The following NLN variants were observed in gnomAD, a reference collection of about 807,000 sequenced individuals.
The protein encoded by NLN is neurolysin.
NLN carries 64 observed loss-of-function variants against 79.9 expected under a neutral mutation model. That is an observed-to-expected ratio of 0.80 (90% CI 0.65 to 0.99). The LOEUF (loss-of-function observed/expected upper bound fraction) is 0.99, where lower values mean the gene tolerates loss of function less well. Among genes scored for constraint, NLN ranks in the 50% least tolerant of loss-of-function variants. The pLI, the probability that NLN is intolerant of heterozygous loss-of-function variation, is 0.00. For synonymous variants in NLN, 267 were observed against 296.6 expected, an observed-to-expected ratio of 0.90 and a Z score of 1.02; for missense variants, 835 against 858.7, an observed-to-expected ratio of 0.97 and a Z score of 0.34.
chr5:65,785,892 CGCGTAACA>C lies in NLN; in HGVS notation c.943_950del (p.Val315LeufsTer4), dbSNP rs1561201196. 2 of 1,612,598 alleles carry C rather than the reference CGCGTAACA, an allele frequency of 1.2e-6. No homozygotes were observed. The highest frequency in any genetic ancestry group is 3.3e-5 in the Admixed American group (2 of 59,870). On this transcript the variant is annotated frameshift_variant, in exon 7 of 13. Transcript: ENST00000380985. LOFTEE classifies it high-confidence loss of function. ...AATGAACACTGCAAAGAGCACAAGC[CGCGTAACA>C]GCCTTTCTAGGTTAGTTCTTTTTTT...
At chr5:65,817,606 C>G (rs1398639594) in intron 12 of NLN, among the ~76,000 whole-genome samples, 2 of 152,154 alleles carry the variant, frequency 1.3e-5, no homozygotes, top group African/African-American at 4.8e-5. Context: ...TCCTCTTTTG[C>G]ATTTGAAGAA....
intron 6 of NLN, 138 bp from the exon 7 acceptor site, chr5:65,785,637 A>G: frequency 1.6e-6 from 1 of 628,736 alleles, no homozygotes; most frequent in Non-Finnish European, 2.5e-6. Context: ...TAACACCAAA[A>G]TGGAACCAGA....
At chr5:65,813,170 A>C (rs1297723724) in intron 12 of NLN, among the ~76,000 whole-genome samples, 4 of 152,132 alleles carry the variant, frequency 2.6e-5, no homozygotes, top group African/African-American at 9.7e-5. Flanking sequence ...TATGTATTGA[A>C]ATACATTGAT....
chr5:65,770,373 G>C (rs933058387), intron 3 of NLN, among the ~76,000 whole-genome samples: 3 of 152,132 alleles, frequency 2.0e-5, no homozygotes, highest in Non-Finnish European at 2.9e-5. Flanking sequence ...ATGATATGTA[G>C]AAATATTTCA....
At chr5:65,736,507 A>G (rs1396841146) in intron 1 of NLN, among the ~76,000 whole-genome samples, 4 of 152,216 alleles carry the variant, frequency 2.6e-5, no homozygotes, top group African/African-American at 9.6e-5. Flanking sequence ...CAAAGTGGTT[A>G]TACTAATTTA....
chr5:65,742,583 G>T (rs555360934), intron 1 of NLN, among the ~76,000 whole-genome samples: 1 of 152,214 alleles, frequency 6.6e-6, no homozygotes, highest in South Asian at 2.1e-4. Flanking sequence ...TACATTTTTC[G>T]TGAATGGTTG....
At chr5:65,816,041 G>A (rs1055033174) in intron 12 of NLN, among the ~76,000 whole-genome samples, 1 of 152,012 alleles carries the variant, frequency 6.6e-6, no homozygotes. Context: ...AAAAGAGGAA[G>A]AAGAACTCCC....
At chr5:65,797,057 A>G (rs1241777198) in intron 9 of NLN, among the ~76,000 whole-genome samples, 1 of 152,228 alleles carries the variant, frequency 6.6e-6, no homozygotes, top group Non-Finnish European at 1.5e-5. Flanking sequence ...TTTCACTCGT[A>G]TTACGTTTAC....
chr5:65,809,417 C>G (rs1206156805), intron 9 of NLN, 98 bp from the exon 10 acceptor site: 3 of 967,904 alleles, frequency 3.1e-6, no homozygotes, highest in Non-Finnish European at 4.6e-6. Context: ...ACAGTTGAGT[C>G]TGATTCTGCC....
At position 65,809,629 on chromosome 5, in the gene NLN, CATT is replaced by C. The variant is rs771625470; in HGVS notation, c.1645_1647del (p.Tyr549del). The C allele has an allele frequency of 1.9e-6, 3 of 1,613,870 alleles. No individual in the cohort carries two copies. The African/African-American group carries it at 4.0e-5, about 22-fold the overall frequency. On this transcript the variant is annotated inframe_deletion, in exon 10 of 13. Transcript: ENST00000380985. The stretch of plus-strand genomic sequence containing the variant: ...CGATTCCCTCCGAAGATTGTCAAAA[CATT>C]ATAAAGATGGAAGCCCTATTGCAGA...
chr5:65,767,773 G>T (rs1395295916), intron 3 of NLN, among the ~76,000 whole-genome samples: 1 of 152,196 alleles, frequency 6.6e-6, no homozygotes, highest in Non-Finnish European at 1.5e-5. Context: ...ATGGCTGTAT[G>T]CTGTTAGGAG....
At chr5:65,784,938 T>C (rs540333555) in intron 6 of NLN, among the ~76,000 whole-genome samples, 2 of 152,342 alleles carry the variant, frequency 1.3e-5, no homozygotes, top group South Asian at 2.1e-4. Flanking sequence ...TTTGTCTTTT[T>C]GTATCTGGCT....
intron 9 of NLN, among the ~76,000 whole-genome samples, chr5:65,803,251 C>T (rs61547521): frequency 0.18 from 27,703 of 152,152 alleles, 3,226 homozygotes; most frequent in African/African-American, 0.33. Flanking sequence ...GCCCAGGAAC[C>T]TGTCTGCCTG....
chr5:65,818,000 T>C (rs889065475), intron 12 of NLN, among the ~76,000 whole-genome samples: 1 of 152,234 alleles, frequency 6.6e-6, no homozygotes, highest in African/African-American at 2.4e-5. Context: ...CAGCTGATTT[T>C]TCTTATAACT....
chr5:65,814,495 C>T (rs1376867275), intron 12 of NLN, among the ~76,000 whole-genome samples: 1 of 152,142 alleles, frequency 6.6e-6, no homozygotes, highest in Non-Finnish European at 1.5e-5. Flanking sequence ...TTGAAGGTCT[C>T]ACTCACATAA....
intron 8 of NLN, 58 bp downstream of exon 8, chr5:65,788,542 G>T: frequency 6.5e-7 from 1 of 1,538,762 alleles, no homozygotes; most frequent in Non-Finnish European, 8.9e-7. Flanking sequence ...CCTACTTTAA[G>T]ACTCTACTCT....
Position 65,780,283 on chromosome 5 carries a change from T to C in NLN, c.661+2T>C. On this transcript the variant is annotated splice_donor_variant, in intron 5 of 12. Transcript: ENST00000380985. LOFTEE classifies it high-confidence loss of function. ...TTGTATTTTCCAAGGCTGAACTTGGTAAGTTTTATTATTTTTCTAGATTAA... is the reference window on the plus strand; with the variant it reads ...TTGTATTTTCCAAGGCTGAACTTGGCAAGTTTTATTATTTTTCTAGATTAA... 1 of 1,224,438 alleles carries C rather than the reference T, an allele frequency of 8.2e-7. No homozygotes were observed. The highest frequency in any genetic ancestry group is 1.2e-6 in the Non-Finnish European group (1 of 857,048). 75.8% of individuals were successfully genotyped at this position (1,224,438 alleles called of 1,614,324 possible).
At chr5:65,739,390 A>T (rs1758823692) in intron 1 of NLN, among the ~76,000 whole-genome samples, 1 of 152,160 alleles carries the variant, frequency 6.6e-6, no homozygotes, top group African/African-American at 2.4e-5. Context: ...TTGTGTATGT[A>T]TACCACATTT....
In NLN at chr5:65,828,519, A is replaced by ACTT. The variant is rs1760962168; in HGVS notation, c.*5604_*5605insCTT. On this transcript the variant is annotated 3_prime_UTR_variant, in exon 13 of 13. Transcript: ENST00000380985. ...TTTTCAAATTCTTGAAGGAAATGGGAGAGAGAATAGGCTAATTCTGTATTG... is the reference window on the plus strand; with the variant it reads ...TTTTCAAATTCTTGAAGGAAATGGGACTTGAGAGAATAGGCTAATTCTGTATTG... 6.6e-6 allele frequency: 1 copy of ACTT among 152,238 alleles called. No homozygotes were observed. Among genetic ancestry groups the ACTT allele is most frequent in the African/African-American group, 2.4e-5 (1 of 41,466 alleles). 9.4% of individuals were successfully genotyped at this position (152,238 alleles called of 1,614,324 possible). A position where few individuals can be genotyped will look rare whatever the true frequency, so the allele number is the denominator to read the frequency against.
Sources: gnomAD v4.1 joint callset for allele counts (sites outside exome capture counted in the v4.1 genomes callset) on GRCh38, gnomAD v4.1.1 for gene constraint, MANE v1.5 for transcripts, NCBI Gene and HGNC (gene_info 2026-07-23, HGNC 2026-07-21) for gene names.